Variants in COMMD7 observed in about 807,000 individuals in gnomAD.
COMMD7 encodes the protein COMM domain-containing protein 7.
A neutral mutation model predicts 34.8 loss-of-function variants in COMMD7; 28 were observed. The ratio of observed to expected loss-of-function variants is 0.80; its 90% confidence interval spans 0.60 to 1.10. The LOEUF (loss-of-function observed/expected upper bound fraction) is 1.10. COMMD7 is among the 50% of genes least tolerant of loss of function. The probability of loss-of-function intolerance (pLI) is 0.00; values close to 1 mark genes in which losing one functional copy is unlikely to be tolerated. For synonymous variants in COMMD7, 80 were observed against 86.4 expected (o/e 0.93, Z 0.41); for missense variants, 211 against 241.6 (o/e 0.87, Z 0.84).
chr20:32,742,575 G>A (rs1173640839), intron 1 of COMMD7: 1 of 152,204 alleles, frequency 6.6e-6, no homozygotes, highest in Non-Finnish European at 1.5e-5. Flanking sequence ...CCTGAAGGGG[G>A]AGAAAAAGGC....
At chr20:32,703,652 A>G in intron 8 of COMMD7, 194 bp from the exon 9 acceptor site, 2 of 1,436,852 alleles carry the variant, frequency 1.4e-6, no homozygotes, top group South Asian at 1.5e-5. Context: ...AAAGGAAAAA[A>G]AAGGGGAGTG....
At chr20:32,716,554 G>T (rs1056698173) in intron 3 of COMMD7, among the ~76,000 whole-genome samples, 3 of 152,202 alleles carry the variant, frequency 2.0e-5, no homozygotes, top group Non-Finnish European at 2.9e-5. Flanking sequence ...GGCGGAGCTT[G>T]CAGTGAGCCA....
chr20:32,714,578 C>T (rs529885461), intron 3 of COMMD7, among the ~76,000 whole-genome samples: 1 of 151,948 alleles, frequency 6.6e-6, no homozygotes, highest in Non-Finnish European at 1.5e-5. Flanking sequence ...GTAGTCCCAG[C>T]ACCTTGGGAG....
intron 1 of COMMD7, among the ~76,000 whole-genome samples, chr20:32,728,488 T>G (rs1440347507): frequency 6.6e-6 from 1 of 151,204 alleles, no homozygotes. Context: ...AAGGGGGAAA[T>G]CATCAGAAAA....
At chr20:32,729,459 T>C (rs886570969) in intron 1 of COMMD7, among the ~76,000 whole-genome samples, 5 of 151,832 alleles carry the variant, frequency 3.3e-5, no homozygotes, top group African/African-American at 1.2e-4. Context: ...TGACCCACCG[T>C]GCCCAGCCTA....
intron 1 of COMMD7, among the ~76,000 whole-genome samples, chr20:32,730,972 G>A (rs1473816810): frequency 6.6e-6 from 1 of 152,172 alleles, no homozygotes; most frequent in Non-Finnish European, 1.5e-5. Flanking sequence ...CTTCTGCTAT[G>A]ACACATTAAA....
At chr20:32,732,742 C>T (rs930148925) in intron 1 of COMMD7, among the ~76,000 whole-genome samples, 4 of 151,450 alleles carry the variant, frequency 2.6e-5, no homozygotes, top group African/African-American at 2.4e-5. Context: ...CTGGCTAACA[C>T]GGTGAAACCC....
intron 3 of COMMD7, among the ~76,000 whole-genome samples, chr20:32,722,038 G>A (rs769538733): frequency 3.3e-5 from 5 of 151,724 alleles, no homozygotes; most frequent in Non-Finnish European, 5.9e-5. Context: ...TCCAGCCTGG[G>A]CAACAGAGTG....
intron 3 of COMMD7, among the ~76,000 whole-genome samples, chr20:32,716,859 C>CTTT (rs34687680): frequency 6.8e-6 from 1 of 146,848 alleles, no homozygotes; most frequent in Non-Finnish European, 1.5e-5. Context: ...GGGTTAGTAA[C>CTTT]TTTTTTTTTT....
chr20:32,735,359 C>T (rs960803798), intron 1 of COMMD7, among the ~76,000 whole-genome samples: 3 of 151,746 alleles, frequency 2.0e-5, no homozygotes, highest in Admixed American at 2.0e-4. Flanking sequence ...TCTGTGTCAC[C>T]CAGGCTGGAG....
At chr20:32,704,145 CTTAA>C (rs1983915818) in intron 7 of COMMD7, 74 bp from the exon 8 acceptor site, 4 of 1,252,460 alleles carry the variant, frequency 3.2e-6, no homozygotes, top group Admixed American at 4.6e-5. Flanking sequence ...AACCCTTTGA[CTTAA>C]TTAAGCTTCC....
chr20:32,738,946 G>A, intron 1 of COMMD7, among the ~76,000 whole-genome samples: 1 of 152,100 alleles, frequency 6.6e-6, no homozygotes, highest in East Asian at 1.9e-4. Context: ...GCTTAGGCTA[G>A]TCTTGAACTC....
chr20:32,710,101 C>T (rs976576036), intron 3 of COMMD7, among the ~76,000 whole-genome samples: 5 of 151,760 alleles, frequency 3.3e-5, no homozygotes, highest in Non-Finnish European at 1.5e-5. Flanking sequence ...CTCAAACTCC[C>T]GCACTCAAGC....
At chr20:32,732,614 T>G (rs188543328) in intron 1 of COMMD7, among the ~76,000 whole-genome samples, 1 of 151,112 alleles carries the variant, frequency 6.6e-6, no homozygotes, top group Admixed American at 6.6e-5. Flanking sequence ...CAAATCATAA[T>G]AATACATTTA....
At chr20:32,742,938 T>G (rs550694328) in intron 1 of COMMD7, among the ~76,000 whole-genome samples, 21 of 151,936 alleles carry the variant, frequency 1.4e-4, no homozygotes, top group Non-Finnish European at 2.5e-4. Context: ...AGTCTGTTCC[T>G]TCAGTTCCCC....
chr20:32,730,841 T>A lies in COMMD7; in HGVS notation c.85-2699A>T, dbSNP rs187016098. 1.1e-3 allele frequency among the ~76,000 whole-genome samples: 168 copies of A among 151,896 alleles called. No individual in the cohort carries two copies. The Middle Eastern group carries it at 0.014, about 12-fold the overall frequency. ...GCTACAGTTAGAGTCATAATTAGAG[T>A]CACTATACCATTTGATCCACCTTCT... On this transcript the variant is annotated intron_variant, in intron 1 of 8. Transcript: ENST00000278980.
intron 3 of COMMD7, among the ~76,000 whole-genome samples, chr20:32,722,194 G>A (rs1279359194): frequency 1.4e-5 from 2 of 138,816 alleles, no homozygotes; most frequent in African/African-American, 2.7e-5. Flanking sequence ...GCAGTGAGCC[G>A]AGATCTTGCC....
intron 3 of COMMD7, among the ~76,000 whole-genome samples, chr20:32,711,613 G>C (rs1218082897): frequency 6.6e-6 from 1 of 152,150 alleles, no homozygotes; most frequent in African/African-American, 2.4e-5. Flanking sequence ...AAAGCTGCAG[G>C]GATGGAAGAG....
At chr20:32,731,299 C>A (rs761658877) in intron 1 of COMMD7, among the ~76,000 whole-genome samples, 9 of 152,040 alleles carry the variant, frequency 5.9e-5, no homozygotes, top group Non-Finnish European at 2.9e-5. Flanking sequence ...GCCTGAGTGA[C>A]AGAACAAGAT....
Sources: gnomAD v4.1 joint callset for allele counts (sites outside exome capture counted in the v4.1 genomes callset) on GRCh38, gnomAD v4.1.1 for gene constraint, MANE v1.5 for transcripts, NCBI Gene and HGNC (gene_info 2026-07-23, HGNC 2026-07-21) for gene names.